The following COG5 variants were observed in gnomAD, a reference collection of about 807,000 sequenced individuals.
The protein encoded by COG5 is component of oligomeric golgi complex 5, also known as conserved oligomeric Golgi complex subunit 5.
COG5 carries 86 observed loss-of-function variants against 110.4 expected under a neutral mutation model. That is an observed-to-expected ratio of 0.78 (90% CI 0.65 to 0.93). The LOEUF (loss-of-function observed/expected upper bound fraction) is 0.93, where lower values mean the gene tolerates loss of function less well. Among genes scored for constraint, COG5 ranks in the 40% least tolerant of loss-of-function variants. The pLI is 0.00. For missense variants in COG5, 1,077 were observed against 987.0 expected (o/e 1.09, Z -1.22); for synonymous variants, 360 against 334.6 (o/e 1.08, Z -0.83).
chr7:107,344,370 G>T (rs571759465), intron 10 of COG5, among the ~76,000 whole-genome samples: 55 of 152,104 alleles, frequency 3.6e-4, no homozygotes, highest in Non-Finnish European at 6.9e-4. Context: ...ACAAGAAAAT[G>T]TGCAGCTTCG....
chr7:107,287,495 C>G (rs548371305), intron 12 of COG5, among the ~76,000 whole-genome samples: 26 of 152,242 alleles, frequency 1.7e-4, no homozygotes, highest in Middle Eastern at 3.4e-3. Flanking sequence ...ACATAGCATA[C>G]CACCACTTGA....
At chr7:107,344,379 C>T (rs1362772609) in intron 10 of COG5, among the ~76,000 whole-genome samples, 2 of 152,168 alleles carry the variant, frequency 1.3e-5, no homozygotes, top group African/African-American at 2.4e-5. Context: ...TGTGCAGCTT[C>T]GTCACCTACC....
chr7:107,324,818 A>G (rs551460599), intron 10 of COG5, among the ~76,000 whole-genome samples: 38 of 152,342 alleles, frequency 2.5e-4, no homozygotes, highest in African/African-American at 8.4e-4. Flanking sequence ...TGGTGATAAC[A>G]TTGCAGGATA....
At chr7:107,459,457 C>T (rs1318390582) in intron 6 of COG5, among the ~76,000 whole-genome samples, 1 of 151,010 alleles carries the variant, frequency 6.6e-6, no homozygotes, top group Non-Finnish European at 1.5e-5. Flanking sequence ...AAGGATTTCA[C>T]AACTCTTTTT....
chr7:107,250,315 C>T (rs1802402633), intron 16 of COG5, among the ~76,000 whole-genome samples: 1 of 152,088 alleles, frequency 6.6e-6, no homozygotes. Flanking sequence ...CTAAATGCGG[C>T]TTGCAACTGA....
chr7:107,422,365 A>C (rs1027810324), intron 6 of COG5, among the ~76,000 whole-genome samples: 1 of 152,112 alleles, frequency 6.6e-6, no homozygotes. Context: ...CTCTACTACT[A>C]AAAATACAAA....
intron 3 of COG5, among the ~76,000 whole-genome samples, chr7:107,548,674 A>G (rs1802650300): frequency 6.6e-6 from 1 of 152,192 alleles, no homozygotes; most frequent in African/African-American, 2.4e-5. Context: ...TGTATGTTTT[A>G]AAATGCTAAA....
chr7:107,319,627 T>C (rs2117042267), intron 11 of COG5, among the ~76,000 whole-genome samples: 1 of 152,346 alleles, frequency 6.6e-6, no homozygotes, highest in African/African-American at 2.4e-5. Context: ...TGTTCTAGTT[T>C]ATAATGGGAG....
At chr7:107,390,107 T>C (rs1183009555) in intron 7 of COG5, among the ~76,000 whole-genome samples, 2 of 152,166 alleles carry the variant, frequency 1.3e-5, no homozygotes, top group Non-Finnish European at 2.9e-5. Context: ...AAGGAGACAA[T>C]CTGAGGCATT....
intron 6 of COG5, chr7:107,472,445 C>T (rs17486): frequency 0.13 from 19,044 of 151,918 alleles, 1,492 homozygotes; most frequent in Non-Finnish European, 0.17. Context: ...TTAACATTTA[C>T]GAAAGAACAG....
intron 10 of COG5, 88 bp from the exon 11 acceptor site, chr7:107,324,609 T>A (rs968844013): frequency 4.8e-5 from 32 of 669,790 alleles, no homozygotes; most frequent in Non-Finnish European, 7.7e-5. Context: ...CCTTGAAAAG[T>A]TATTTAAAAT....
chr7:107,561,975 C>CAA (rs113097945), intron 1 of COG5, among the ~76,000 whole-genome samples: 1 of 121,370 alleles, frequency 8.2e-6, no homozygotes, highest in Non-Finnish European at 1.8e-5. Context: ...GACTCCGTCT[C>CAA]AAAAAAAAAA....
At chr7:107,282,810 G>C (rs1322059893) in intron 13 of COG5, among the ~76,000 whole-genome samples, 1 of 152,114 alleles carries the variant, frequency 6.6e-6, no homozygotes, top group East Asian at 1.9e-4. Context: ...ACCATGCCTG[G>C]CCACCTGTGG....
At chr7:107,338,962 C>A (rs191559022) in intron 10 of COG5, among the ~76,000 whole-genome samples, 7 of 152,188 alleles carry the variant, frequency 4.6e-5, no homozygotes. Flanking sequence ...AAATCATCCA[C>A]ACAATAGAAA....
Position 107,362,439 on chromosome 7 carries a change from G to C in COG5, c.836-19C>G. On this transcript the variant is annotated intron_variant, in intron 8 of 21. Transcript: ENST00000297135. ...GGTCCCCCTGGTTATGAGTGAGAAA[G>C]AACAATGAAAAATAAAGTTTTCCAA... 1 of 1,547,926 alleles carries C rather than the reference G, an allele frequency of 6.5e-7. No homozygotes were observed. Among genetic ancestry groups the C allele is most frequent in the Non-Finnish European group, 8.9e-7 (1 of 1,120,824 alleles).
At chr7:107,385,128 A>G (rs1237276416) in intron 7 of COG5, among the ~76,000 whole-genome samples, 1 of 152,226 alleles carries the variant, frequency 6.6e-6, no homozygotes, top group Non-Finnish European at 1.5e-5. Context: ...AGAGACACAC[A>G]GCGAAAAAGG....
chr7:107,283,853 G>A (rs1584619031), intron 12 of COG5, 121 bp from the exon 13 acceptor site: 14 of 663,566 alleles, frequency 2.1e-5, no homozygotes, highest in South Asian at 3.5e-5. Flanking sequence ...TCTATATTAA[G>A]AAAAAGAAAA....
At chr7:107,341,886 G>T (rs1811197171) in intron 10 of COG5, among the ~76,000 whole-genome samples, 1 of 152,124 alleles carries the variant, frequency 6.6e-6, no homozygotes, top group South Asian at 2.1e-4. Context: ...TAACTAAGGT[G>T]GATTGAAGAT....
rs2116419427 is a variant in COG5, at chr7:107,232,427, T to C, written c.2092-1736A>G. Among the ~76,000 whole-genome samples, 2 of 152,356 alleles carry C rather than the reference T, an allele frequency of 1.3e-5. 1 individual carries two copies. The highest frequency in any genetic ancestry group is 4.1e-4 in the South Asian group (2 of 4,832). On this transcript the variant is annotated intron_variant, in intron 18 of 21. Transcript: ENST00000297135. Reference sequence around the variant, plus strand: ...TCTCTCTATATAATGGTTTTTTACATACTGAAATTATATATTTTTCACGAA... The same window carrying C: ...TCTCTCTATATAATGGTTTTTTACACACTGAAATTATATATTTTTCACGAA...
Sources: gnomAD v4.1 joint callset for allele counts (sites outside exome capture counted in the v4.1 genomes callset) on GRCh38, gnomAD v4.1.1 for gene constraint, MANE v1.5 for transcripts, NCBI Gene and HGNC (gene_info 2026-07-23, HGNC 2026-07-21) for gene names.